ABHD18: variants seen among roughly 807,000 people sequenced by gnomAD.
ABHD18 encodes cardiolipin-specific deacylase, mitochondrial.
Under a neutral mutation model 65.9 loss-of-function variants are expected in ABHD18, and 55 were observed. That is an observed-to-expected ratio of 0.84 (90% confidence interval 0.67 to 1.05). The LOEUF (loss-of-function observed/expected upper bound fraction) is 1.05, where lower values mean the gene tolerates loss of function less well. ABHD18 is among the 50% of genes least tolerant of loss of function. ABHD18 has a pLI of 0.00. For synonymous variants in ABHD18, 181 were observed against 180.2 expected, an observed-to-expected ratio of 1.00 and a Z score of -0.04; for missense variants, 533 against 558.5, an observed-to-expected ratio of 0.95 and a Z score of 0.46.
chr4:128,006,551 C>T (rs1486881019), intron 4 of ABHD18, among the ~76,000 whole-genome samples: 3 of 152,126 alleles, frequency 2.0e-5, no homozygotes, highest in Admixed American at 6.6e-5. Context: ...CTTCTGTCCA[C>T]GCAAAGTTTT....
chr4:128,023,737 G>A (rs1387176347), intron 10 of ABHD18, among the ~76,000 whole-genome samples: 2 of 151,858 alleles, frequency 1.3e-5, no homozygotes, highest in South Asian at 2.1e-4. Context: ...AAAATTAGCC[G>A]GGCGTGGTGG....
chr4:127,992,892 T>C (rs963001486), intron 4 of ABHD18, among the ~76,000 whole-genome samples: 6 of 151,994 alleles, frequency 3.9e-5, no homozygotes, highest in Non-Finnish European at 8.8e-5. Context: ...ACTGAAAGCA[T>C]TAAGTCAGCC....
chr4:127,989,603 A>T, intron 3 of ABHD18, 118 bp from the exon 4 acceptor site: 1 of 571,472 alleles, frequency 1.7e-6, no homozygotes, highest in Non-Finnish European at 3.0e-6. Context: ...AAAAGTTTAC[A>T]TAGTAGGTGC....
chr4:128,029,204 A>G (rs994352127), intron 11 of ABHD18, among the ~76,000 whole-genome samples: 7 of 151,652 alleles, frequency 4.6e-5, no homozygotes, highest in Admixed American at 6.6e-5. Flanking sequence ...AAAAAAATAC[A>G]AAAAAGTAGT....
intron 7 of ABHD18, among the ~76,000 whole-genome samples, chr4:128,016,248 A>C (rs1243797646): frequency 3.3e-5 from 5 of 151,976 alleles, no homozygotes; most frequent in Admixed American, 6.6e-5. Flanking sequence ...CACTGTGCCC[A>C]GCTTAAATAC....
At chr4:127,998,346 G>A (rs1294837346) in intron 4 of ABHD18, among the ~76,000 whole-genome samples, 2 of 138,288 alleles carry the variant, frequency 1.4e-5, no homozygotes, top group Admixed American at 7.8e-5. Context: ...GCACTGGCAC[G>A]ATCTCGGCTT....
chr4:127,989,342 A>G (rs541998758), intron 3 of ABHD18, among the ~76,000 whole-genome samples: 15 of 152,346 alleles, frequency 9.8e-5, no homozygotes, highest in African/African-American at 3.6e-4. Flanking sequence ...GATAGAATCA[A>G]TAAGATCTAG....
intron 7 of ABHD18, 112 bp downstream of exon 7, chr4:128,011,812 G>C (rs910797042): frequency 7.8e-6 from 3 of 387,004 alleles, no homozygotes; most frequent in Non-Finnish European, 1.3e-5. Context: ...AAATATTATG[G>C]GGGGGGGGAG....
intron 2 of ABHD18, among the ~76,000 whole-genome samples, chr4:127,983,798 G>A (rs572091369): frequency 6.6e-6 from 1 of 152,176 alleles, no homozygotes; most frequent in South Asian, 2.1e-4. Context: ...CTGGGAGGTG[G>A]AGGTTGCAGT....
At chr4:128,031,685 C>T (rs1288931942) in intron 12 of ABHD18, among the ~76,000 whole-genome samples, 1 of 152,094 alleles carries the variant, frequency 6.6e-6, no homozygotes, top group Non-Finnish European at 1.5e-5. Context: ...CTCTTGTTAA[C>T]GGAGGAAATA....
At chr4:127,987,554 A>C (rs1750181229) in intron 3 of ABHD18, among the ~76,000 whole-genome samples, 1 of 151,790 alleles carries the variant, frequency 6.6e-6, no homozygotes, top group African/African-American at 2.4e-5. Context: ...TACTAAAAAT[A>C]GAAAAAAATT....
Position 128,039,144 on chromosome 4 carries a change from C to CGTGTAT in ABHD18, c.*3331_*3332insGTGTAT, listed in dbSNP as rs1491380654. 2.2e-4 allele frequency: 22 copies of CGTGTAT among 99,762 alleles called. No individual in the cohort carries two copies. Among genetic ancestry groups the CGTGTAT allele is most frequent in the African/African-American group, 6.7e-4 (18 of 26,780 alleles). The allele number at this position is 99,762 out of a possible 1,614,324, so 6.2% of individuals were successfully genotyped here. The stretch of plus-strand genomic sequence containing the variant: ...TATGTATTATATATACACACATATG[C>CGTGTAT]ATATATATATATATATATATATATA... On this transcript the variant is annotated 3_prime_UTR_variant, in exon 13 of 13. Transcript: ENST00000645843.
chr4:127,967,123 A>G (rs1048470878), intron 1 of ABHD18, among the ~76,000 whole-genome samples: 3 of 151,860 alleles, frequency 2.0e-5, no homozygotes, highest in African/African-American at 4.8e-5. Context: ...CTAGCAATGT[A>G]TGGCACATAT....
intron 2 of ABHD18, 78 bp downstream of exon 2, chr4:127,983,125 T>C (rs72618809): frequency 0.043 from 42,079 of 969,916 alleles, 3,259 homozygotes; most frequent in East Asian, 0.3. Flanking sequence ...TATAAAATCC[T>C]TTACTCTCAA....
chr4:127,995,721 AT>A (rs1409357369), intron 4 of ABHD18, among the ~76,000 whole-genome samples: 1 of 152,188 alleles, frequency 6.6e-6, no homozygotes, highest in Non-Finnish European at 1.5e-5. Flanking sequence ...AGCAGGGAAA[AT>A]AATACTTTAA....
chr4:128,004,897 G>A (rs1175552997), intron 4 of ABHD18, among the ~76,000 whole-genome samples: 3 of 151,292 alleles, frequency 2.0e-5, no homozygotes, highest in Non-Finnish European at 4.4e-5. Context: ...GCGACAGAAT[G>A]AGACTCCGTC....
Position 128,016,052 on chromosome 4 carries a change from C to T in ABHD18, c.471-1311C>T, listed in dbSNP as rs556094082. The stretch of plus-strand genomic sequence containing the variant: ...CACTGCAACCTCCACCTCCCGGGCT[C>T]AAGTGATTCTCCTGCCTCAGCCTCC... On this transcript the variant is annotated intron_variant, in intron 7 of 12. Coordinates refer to ENST00000645843, the MANE Select transcript of ABHD18 (RefSeq NM_001358451.3). 4.6e-5 allele frequency among the ~76,000 whole-genome samples: 7 copies of T among 150,898 alleles called. No homozygotes were observed. In the South Asian group the frequency reaches 1.5e-3, roughly 32 times the overall value.
chr4:127,991,010 T>A (rs193101181), intron 4 of ABHD18, among the ~76,000 whole-genome samples: 29 of 152,068 alleles, frequency 1.9e-4, no homozygotes, highest in Non-Finnish European at 7.4e-5. Flanking sequence ...ATTATAAGCG[T>A]GTGCCACCAT....
At chr4:127,971,694 G>A (rs1746845802) in intron 1 of ABHD18, among the ~76,000 whole-genome samples, 2 of 151,900 alleles carry the variant, frequency 1.3e-5, no homozygotes, top group South Asian at 2.1e-4. Flanking sequence ...GTTTCTCCGT[G>A]TTAGCCAGGG....
Sources: gnomAD v4.1 joint callset for allele counts (sites outside exome capture counted in the v4.1 genomes callset) on GRCh38, gnomAD v4.1.1 for gene constraint, MANE v1.5 for transcripts, NCBI Gene and HGNC (gene_info 2026-07-23, HGNC 2026-07-21) for gene names.